Variants in VMP1 observed in about 807,000 individuals in gnomAD.
VMP1 encodes ectopic P-granules autophagy protein 3 homolog.
VMP1 carries 11 observed loss-of-function variants against 56.0 expected under a neutral mutation model. The observed-to-expected ratio is 0.20, with a 90% CI of 0.12 to 0.32. VMP1 has a LOEUF of 0.32. Among genes scored for constraint, VMP1 ranks in the 10% least tolerant of loss-of-function variants. The probability of loss-of-function intolerance (pLI) is 1.00; values close to 1 mark genes in which losing one functional copy is unlikely to be tolerated. For missense variants in VMP1, 296 were observed against 490.3 expected, an observed-to-expected ratio of 0.60 and a Z score of 3.74; for synonymous variants, 149 against 165.0, an observed-to-expected ratio of 0.90 and a Z score of 0.74.
chr17:59,764,644 A>G (rs1420847262), intron 5 of VMP1, among the ~76,000 whole-genome samples: 1 of 152,168 alleles, frequency 6.6e-6, no homozygotes, highest in African/African-American at 2.4e-5. Flanking sequence ...TTTTGCAGTA[A>G]TGGAAATGTT....
intron 7 of VMP1, among the ~76,000 whole-genome samples, chr17:59,777,082 T>C (rs1259940541): frequency 6.6e-6 from 1 of 152,174 alleles, no homozygotes; most frequent in East Asian, 1.9e-4. Context: ...CCATTTTTTT[T>C]CATGAAGTCA....
intron 1 of VMP1, among the ~76,000 whole-genome samples, chr17:59,729,478 C>CAAA (rs1222683335): frequency 2.2e-5 from 1 of 44,586 alleles, no homozygotes; most frequent in East Asian, 6.9e-4. Context: ...GACTCCATCT[C>CAAA]AAAAAAAAAA....
At chr17:59,791,020 T>C (rs1310017017) in intron 7 of VMP1, among the ~76,000 whole-genome samples, 1 of 152,172 alleles carries the variant, frequency 6.6e-6, no homozygotes, top group Non-Finnish European at 1.5e-5. Flanking sequence ...TCTCCTAGCA[T>C]GAAATCATAA....
At chr17:59,758,119 G>C (rs1019971646) in intron 5 of VMP1, among the ~76,000 whole-genome samples, 1 of 151,918 alleles carries the variant, frequency 6.6e-6, no homozygotes, top group Non-Finnish European at 1.5e-5. Flanking sequence ...TGAGAATACA[G>C]ACATGAGCCA....
chr17:59,799,724 A>G (rs1269488866), intron 7 of VMP1, among the ~76,000 whole-genome samples: 3 of 152,154 alleles, frequency 2.0e-5, no homozygotes, highest in African/African-American at 7.2e-5. Context: ...GCATTTTGGG[A>G]GGCCAAGGCG....
At chr17:59,710,262 A>C (rs1490930259) in intron 1 of VMP1, among the ~76,000 whole-genome samples, 1 of 152,230 alleles carries the variant, frequency 6.6e-6, no homozygotes, top group Non-Finnish European at 1.5e-5. Flanking sequence ...ATCTCTGTGA[A>C]TGTATAAGTA....
intron 5 of VMP1, among the ~76,000 whole-genome samples, chr17:59,746,760 A>G (rs1171896000): frequency 6.6e-6 from 1 of 152,170 alleles, no homozygotes; most frequent in East Asian, 1.9e-4. Flanking sequence ...AAGGGGAAAT[A>G]AATAAATTTT....
intron 6 of VMP1, among the ~76,000 whole-genome samples, chr17:59,767,107 T>C (rs2036260293): frequency 6.6e-6 from 1 of 152,046 alleles, no homozygotes; most frequent in East Asian, 1.9e-4. Flanking sequence ...GTTAAAGATT[T>C]CTTTTACCAT....
chr17:59,791,940 G>A (rs1489729941), intron 7 of VMP1, among the ~76,000 whole-genome samples: 1 of 152,058 alleles, frequency 6.6e-6, no homozygotes, highest in East Asian at 1.9e-4. Flanking sequence ...CTTAAACTCT[G>A]CATTTCTTTT....
At chr17:59,836,244 T>G (rs1444613128) in intron 10 of VMP1, among the ~76,000 whole-genome samples, 1 of 151,944 alleles carries the variant, frequency 6.6e-6, no homozygotes, top group Non-Finnish European at 1.5e-5. Context: ...TTTATTTATT[T>G]TTTTGAGGCA....
chr17:59,724,211 C>CAA (rs780799408), intron 1 of VMP1, among the ~76,000 whole-genome samples: 10 of 71,326 alleles, frequency 1.4e-4, no homozygotes, highest in Non-Finnish European at 2.0e-4. Context: ...GACCCTGTCT[C>CAA]AAAAAAAAAA....
intron 7 of VMP1, among the ~76,000 whole-genome samples, chr17:59,802,654 C>G (rs765882200): frequency 4.6e-5 from 7 of 152,186 alleles, no homozygotes; most frequent in Non-Finnish European, 7.3e-5. Flanking sequence ...CAACCTCCGC[C>G]TCCCGGGTTC....
chr17:59,795,900 A>G (rs969538238), intron 7 of VMP1, among the ~76,000 whole-genome samples: 3 of 152,152 alleles, frequency 2.0e-5, no homozygotes, highest in African/African-American at 7.2e-5. Context: ...GGTAGACATT[A>G]TTATCATCAT....
chr17:59,777,812 T>TCAAAACAAAACAAAACAAAACAAAA (rs199590116), intron 7 of VMP1, among the ~76,000 whole-genome samples: 2 of 148,430 alleles, frequency 1.3e-5, no homozygotes, highest in Non-Finnish European at 3.0e-5. Flanking sequence ...AGACTCCGTC[T>TCAAAACAAAACAAAACAAAACAAAA]CAAAACAAAA....
intron 5 of VMP1, among the ~76,000 whole-genome samples, chr17:59,753,754 AC>A (rs1472890506): frequency 6.6e-6 from 1 of 152,226 alleles, no homozygotes; most frequent in Non-Finnish European, 1.5e-5. Flanking sequence ...TAATTTAAAA[AC>A]ATACCCAAAT....
intron 7 of VMP1, among the ~76,000 whole-genome samples, chr17:59,791,344 G>A (rs1171182990): frequency 3.3e-5 from 5 of 151,718 alleles, no homozygotes; most frequent in East Asian, 3.9e-4. Context: ...GCCTGCCACC[G>A]CGCTCAGCTA....
intron 10 of VMP1, among the ~76,000 whole-genome samples, chr17:59,818,271 G>T (rs1028466032): frequency 1.5e-4 from 23 of 152,202 alleles, no homozygotes; most frequent in African/African-American, 5.5e-4. Flanking sequence ...GGAGGCTGAG[G>T]CAGGAGAATC....
chr17:59,711,741 G>T (rs932200322), intron 1 of VMP1, among the ~76,000 whole-genome samples: 2 of 152,080 alleles, frequency 1.3e-5, no homozygotes, highest in African/African-American at 4.8e-5. Flanking sequence ...TAAAGTTTAA[G>T]GCATATTTAA....
intron 6 of VMP1, among the ~76,000 whole-genome samples, chr17:59,769,181 G>T (rs1179240022): frequency 4.2e-5 from 6 of 144,372 alleles, no homozygotes; most frequent in African/African-American, 1.5e-4. Context: ...TAAAGACAGA[G>T]TTTCGCTCTT....
Sources: gnomAD v4.1 joint callset for allele counts (sites outside exome capture counted in the v4.1 genomes callset) on GRCh38, gnomAD v4.1.1 for gene constraint, MANE v1.5 for transcripts, NCBI Gene and HGNC (gene_info 2026-07-23, HGNC 2026-07-21) for gene names.